HPSE2: variants seen among roughly 807,000 people sequenced by gnomAD.
HPSE2 encodes the protein heparanase 2 (inactive), also known as inactive heparanase-2.
HPSE2 carries 38 observed loss-of-function variants against 60.5 expected under a neutral mutation model. The observed-to-expected ratio is 0.63, with a 90% CI of 0.48 to 0.82. The LOEUF (loss-of-function observed/expected upper bound fraction) is 0.82, where lower values mean the gene tolerates loss of function less well. Among genes scored for constraint, HPSE2 ranks in the 40% least tolerant of loss-of-function variants. The pLI is 0.00. For missense variants in HPSE2, 713 were observed against 740.4 expected (o/e 0.96, Z 0.43); for synonymous variants, 295 against 293.2 (o/e 1.01, Z -0.06).
At position 98,748,547 on chromosome 10, in the gene HPSE2, T is replaced by C. The variant is rs572285287; in HGVS notation, c.611-4491A>G. 4.6e-5 allele frequency among the ~76,000 whole-genome samples: 7 copies of C among 152,176 alleles called. No homozygotes were observed. The South Asian group carries it at 1.5e-3, about 32-fold the overall frequency. On this transcript the variant is annotated intron_variant, in intron 3 of 11. Transcript: ENST00000370552. ...CATTGACATTTCACAGGCATATAAT[T>C]CTAAGAAGCACTGGATAGTGGGCAG...
the HPSE2 span, among the ~76,000 whole-genome samples, chr10:99,300,792 C>A: frequency 6.6e-6 from 1 of 152,154 alleles, no homozygotes; most frequent in African/African-American, 2.4e-5. Context: ...TGTTAATATA[C>A]CCCCAGTTGA....
the HPSE2 span, among the ~76,000 whole-genome samples, chr10:99,287,048 T>C: frequency 6.6e-6 from 1 of 152,098 alleles, no homozygotes; most frequent in Non-Finnish European, 1.5e-5. Context: ...ATAGCAGAGA[T>C]TTGTTTCATT....
At chr10:99,081,287 A>C (rs1191201519) in intron 3 of HPSE2, among the ~76,000 whole-genome samples, 2 of 152,222 alleles carry the variant, frequency 1.3e-5, no homozygotes, top group East Asian at 3.8e-4. Flanking sequence ...TTTTGTTTGT[A>C]TTTAAAACTT....
intron 3 of HPSE2, among the ~76,000 whole-genome samples, chr10:98,744,380 T>C (rs1949575208): frequency 1.3e-5 from 2 of 151,872 alleles, no homozygotes; most frequent in African/African-American, 2.4e-5. Context: ...ATACAAAATT[T>C]GCTGGGCGTG....
intron 3 of HPSE2, among the ~76,000 whole-genome samples, chr10:98,989,596 T>G (rs895948463): frequency 1.3e-5 from 2 of 150,872 alleles, no homozygotes; most frequent in African/African-American, 4.9e-5. Context: ...TGTATACATA[T>G]GTAACAAACC....
intron 5 of HPSE2, among the ~76,000 whole-genome samples, chr10:98,714,400 T>C (rs1439152473): frequency 6.6e-6 from 1 of 151,960 alleles, no homozygotes; most frequent in African/African-American, 2.4e-5. Flanking sequence ...AAGCAACTAC[T>C]AAACTATGTT....
intron 3 of HPSE2, among the ~76,000 whole-genome samples, chr10:98,862,510 C>T (rs1262180811): frequency 6.6e-6 from 1 of 152,104 alleles, no homozygotes; most frequent in Non-Finnish European, 1.5e-5. Context: ...GGATGATGAA[C>T]TCAAAATAGT....
the HPSE2 span, among the ~76,000 whole-genome samples, chr10:99,246,535 T>A: frequency 1.3e-5 from 2 of 152,140 alleles, no homozygotes; most frequent in African/African-American, 4.8e-5. Context: ...TCACCTGAGG[T>A]CAGGAGATCG....
chr10:98,973,064 CA>C (rs1955997990), intron 3 of HPSE2, among the ~76,000 whole-genome samples: 1 of 152,074 alleles, frequency 6.6e-6, no homozygotes, highest in Non-Finnish European at 1.5e-5. Context: ...CACTAAGCAA[CA>C]AAATCACTGT....
intron 6 of HPSE2, among the ~76,000 whole-genome samples, chr10:98,671,385 A>G (rs1947502778): frequency 6.6e-6 from 1 of 152,156 alleles, no homozygotes; most frequent in African/African-American, 2.4e-5. Flanking sequence ...CCATGCCTGA[A>G]AATTAGCACT....
In HPSE2 at chr10:98,990,158, C is replaced by T. The variant is rs190425151; in HGVS notation, c.610+154080G>A. 4.6e-5 allele frequency among the ~76,000 whole-genome samples: 7 copies of T among 152,342 alleles called. No individual in the cohort carries two copies. The East Asian group carries it at 1.4e-3, about 29-fold the overall frequency. On this transcript the variant is annotated intron_variant, in intron 3 of 11. Transcript: ENST00000370552. ...ACATCAACTCACCTGCCAACAGATGCAGCTTAATTGTCACTTGCCATTTGC... is the reference window on the plus strand; with the variant it reads ...ACATCAACTCACCTGCCAACAGATGTAGCTTAATTGTCACTTGCCATTTGC...
At chr10:99,313,919 G>A in the HPSE2 span, among the ~76,000 whole-genome samples, 2 of 151,946 alleles carry the variant, frequency 1.3e-5, no homozygotes, top group Admixed American at 6.6e-5. Flanking sequence ...AATTTTTAAA[G>A]GTGTTCTATT....
intron 6 of HPSE2, among the ~76,000 whole-genome samples, chr10:98,688,794 G>A (rs571916): frequency 0.35 from 53,577 of 151,458 alleles, 9,712 homozygotes; most frequent in Admixed American, 0.41. Context: ...TATTTCTTGC[G>A]ACACAGATCT....
chr10:98,737,285 A>G lies in HPSE2; in HGVS notation c.784+6598T>C, dbSNP rs1949383530. ...ATGCACATTTATATATTAAACATAAAGGAACATAAATGCAATTCCCTGGCA... is the reference window on the plus strand; with the variant it reads ...ATGCACATTTATATATTAAACATAAGGGAACATAAATGCAATTCCCTGGCA... On this transcript the variant is annotated intron_variant, in intron 4 of 11. Coordinates refer to ENST00000370552, the MANE Select transcript of HPSE2 (RefSeq NM_021828.5). 1.4e-5 allele frequency among the ~76,000 whole-genome samples: 2 copies of G among 141,706 alleles called. 1 individual carries two copies. The highest frequency in any genetic ancestry group is 3.1e-5 in the Non-Finnish European group (2 of 65,200). The allele number at this position is 141,706 out of a possible 152,430, so 93.0% of individuals were successfully genotyped here.
At chr10:99,305,538 A>C in the HPSE2 span, among the ~76,000 whole-genome samples, 3 of 152,200 alleles carry the variant, frequency 2.0e-5, no homozygotes, top group African/African-American at 7.2e-5. Context: ...GAAGGAAGGA[A>C]AAAACAAAGG....
chr10:99,070,227 A>G (rs1842742207), intron 3 of HPSE2, among the ~76,000 whole-genome samples: 1 of 152,200 alleles, frequency 6.6e-6, no homozygotes, highest in Admixed American at 6.5e-5. Flanking sequence ...TATCTGACAA[A>G]TGACTTGGAT....
At chr10:98,678,330 C>G (rs1284374927) in intron 6 of HPSE2, among the ~76,000 whole-genome samples, 3 of 152,122 alleles carry the variant, frequency 2.0e-5, no homozygotes, top group Non-Finnish European at 2.9e-5. Context: ...TGGATGTATT[C>G]TGAGAAATCA....
Position 98,970,363 on chromosome 10 carries a change from C to G in HPSE2, c.610+173875G>C, listed in dbSNP as rs566929172. Among the ~76,000 whole-genome samples the G allele has an allele frequency of 3.9e-5, 6 of 152,274 alleles. No homozygotes were observed. In the South Asian group the frequency reaches 1.2e-3, roughly 32 times the overall value. ...AAGCCATTTATGAGGGATCTGTCCC[C>G]ATGATCCAAACACCTCCCACCATGC... On this transcript the variant is annotated intron_variant, in intron 3 of 11. Coordinates refer to ENST00000370552, the MANE Select transcript of HPSE2 (RefSeq NM_021828.5).
intron 3 of HPSE2, among the ~76,000 whole-genome samples, chr10:98,761,863 T>C (rs944471116): frequency 2.0e-5 from 3 of 152,194 alleles, no homozygotes; most frequent in Non-Finnish European, 4.4e-5. Flanking sequence ...AACAGTGTGA[T>C]AGGCGCTAAA....
Sources: gnomAD v4.1 joint callset for allele counts (sites outside exome capture counted in the v4.1 genomes callset) on GRCh38, gnomAD v4.1.1 for gene constraint, MANE v1.5 for transcripts, NCBI Gene and HGNC (gene_info 2026-07-23, HGNC 2026-07-21) for gene names.